Variants in KDM5A observed in about 807,000 individuals in gnomAD.
The protein encoded by KDM5A is lysine demethylase 5A, also known as lysine-specific demethylase 5A.
KDM5A carries 42 observed loss-of-function variants against 193.5 expected under a neutral mutation model. The ratio of observed to expected loss-of-function variants is 0.22; its 90% CI spans 0.17 to 0.28. The LOEUF (loss-of-function observed/expected upper bound fraction) is 0.28, where lower values mean the gene tolerates loss of function less well. Among genes scored for constraint, KDM5A ranks in the 10% least tolerant of loss-of-function variants. KDM5A has a pLI of 1.00. For missense variants in KDM5A, 1,692 were observed against 2,055.1 expected (o/e 0.82, Z 3.42); for synonymous variants, 796 against 718.1 (o/e 1.11, Z -1.73).
chr12:372,229 G>A (rs1403432638), intron 3 of KDM5A, among the ~76,000 whole-genome samples: 1 of 152,208 alleles, frequency 6.6e-6, no homozygotes, highest in East Asian at 1.9e-4. Context: ...TCCTATCCAT[G>A]AGCATGGAAT....
At chr12:366,790 CAGG>C (rs756551055) in intron 3 of KDM5A, among the ~76,000 whole-genome samples, 35 of 152,326 alleles carry the variant, frequency 2.3e-4, no homozygotes, top group Non-Finnish European at 4.1e-4. Context: ...CCTTAACGTC[CAGG>C]AGCTGTTACT....
intron 3 of KDM5A, among the ~76,000 whole-genome samples, chr12:370,654 T>C (rs952913003): frequency 3.9e-5 from 6 of 152,006 alleles, no homozygotes; most frequent in Admixed American, 6.6e-5. Flanking sequence ...GGGTAGTACA[T>C]GTGCACAACG....
At chr12:292,675 TACTACAC>T in intron 27 of KDM5A, 77 bp downstream of exon 27, 1 of 1,547,352 alleles carries the variant, frequency 6.5e-7, no homozygotes, top group Non-Finnish European at 8.9e-7. Flanking sequence ...ACCAAAAACA[TACTACAC>T]ATTGATATCA....
At chr12:300,781 T>C (rs1421479005) in intron 24 of KDM5A, among the ~76,000 whole-genome samples, 1 of 152,026 alleles carries the variant, frequency 6.6e-6, no homozygotes, top group Non-Finnish European at 1.5e-5. Flanking sequence ...GATAGACCGC[T>C]AGGCAGACTA....
intron 27 of KDM5A, among the ~76,000 whole-genome samples, chr12:288,087 T>C (rs1300375549): frequency 6.6e-6 from 1 of 152,184 alleles, no homozygotes; most frequent in African/African-American, 2.4e-5. Context: ...AAATAGTCCT[T>C]CTCTTTACCA....
chr12:350,882 A>T, intron 9 of KDM5A, 103 bp from the exon 10 acceptor site: 1 of 1,045,180 alleles, frequency 9.6e-7, no homozygotes, highest in Admixed American at 1.9e-5. Flanking sequence ...TGATGAGATT[A>T]AAAATCTTCT....
rs1943194225 is a variant in KDM5A at position 284,525 on chromosome 12, C to T, written c.*931G>A. On this transcript the variant is annotated 3_prime_UTR_variant, in exon 28 of 28. Transcript: ENST00000399788. ...TGTTATTTGCTGGTCTTGCTCATGGCCATGCCTGAAGCCTGGTGTCTGGAA... is the reference window on the plus strand; with the variant it reads ...TGTTATTTGCTGGTCTTGCTCATGGTCATGCCTGAAGCCTGGTGTCTGGAA... 8.6e-6 allele frequency: 2 copies of T among 232,636 alleles called. No homozygotes were observed. Among genetic ancestry groups the T allele is most frequent in the Non-Finnish European group, 1.7e-5 (2 of 117,396 alleles). 14.4% of individuals were successfully genotyped at this position (232,636 alleles called of 1,614,324 possible). A position where few individuals can be genotyped will look rare whatever the true frequency, so the allele number is the denominator to read the frequency against.
chr12:334,587 C>T (rs1235514180), intron 10 of KDM5A, among the ~76,000 whole-genome samples, 165 bp from the exon 11 acceptor site: 1 of 152,198 alleles, frequency 6.6e-6, no homozygotes, highest in Non-Finnish European at 1.5e-5. Flanking sequence ...TATAACTAAA[C>T]ATTTAATCCT....
Position 389,077 on chromosome 12 carries a change from C to T in KDM5A, c.15G>A (p.Gly5=), listed in dbSNP as rs1161595463. 1 of 1,602,510 alleles carries T rather than the reference C, an allele frequency of 6.2e-7. No individual in the cohort carries two copies. The highest frequency in any genetic ancestry group is 8.5e-7 in the Non-Finnish European group (1 of 1,174,204). The change falls in exon 1 of 28, where the codon GGG becomes GGA. Residue 5 remains glycine, a synonymous_variant. Transcript: ENST00000399788. MAGV[G]PGGYAAEFVP... ...CGAACTCCGCCGCGTAGCCCCCCGGCCCCACGCCCGCCATTGCAACGGCCG... is the reference window on the plus strand; with the variant it reads ...CGAACTCCGCCGCGTAGCCCCCCGGTCCCACGCCCGCCATTGCAACGGCCG...
chr12:316,304 G>T (rs1185037832), intron 19 of KDM5A, among the ~76,000 whole-genome samples: 2 of 151,882 alleles, frequency 1.3e-5, no homozygotes, highest in African/African-American at 4.8e-5. Context: ...CTCTCTACTA[G>T]AACGGTAGCT....
chr12:292,344 G>A (rs969878086), intron 27 of KDM5A, among the ~76,000 whole-genome samples: 3 of 152,144 alleles, frequency 2.0e-5, no homozygotes, highest in Non-Finnish European at 2.9e-5. Flanking sequence ...CCATCTTAAT[G>A]CAATTTGCCA....
chr12:388,239 G>C (rs1313642208), intron 1 of KDM5A: 1 of 455,044 alleles, frequency 2.2e-6, no homozygotes, highest in Admixed American at 2.4e-5. Flanking sequence ...TTACCTCAAA[G>C]GTGAGATTAT....
At chr12:317,835 C>T (rs1021981217) in intron 19 of KDM5A, among the ~76,000 whole-genome samples, 16 of 152,186 alleles carry the variant, frequency 1.1e-4, no homozygotes, top group Non-Finnish European at 1.8e-4. Context: ...TACCCACTGC[C>T]ACTGACCTGC....
Position 284,613 on chromosome 12 carries a change from C to G in KDM5A, c.*843G>C, listed in dbSNP as rs1943195712. 2 of 232,364 alleles carry G rather than the reference C, an allele frequency of 8.6e-6. No individual in the cohort carries two copies. Among genetic ancestry groups the G allele is most frequent in the East Asian group, 6.1e-5 (1 of 16,498 alleles). 14.4% of individuals were successfully genotyped at this position (232,364 alleles called of 1,614,324 possible). On this transcript the variant is annotated 3_prime_UTR_variant, in exon 28 of 28. Coordinates refer to ENST00000399788, the MANE Select transcript of KDM5A (RefSeq NM_001042603.3). ...ACTGTGGCTCAGTAAGATAGTACGACTGGTCATCATCGTCATCTTCTTCTC... is the reference window on the plus strand; with the variant it reads ...ACTGTGGCTCAGTAAGATAGTACGAGTGGTCATCATCGTCATCTTCTTCTC...
intron 19 of KDM5A, among the ~76,000 whole-genome samples, chr12:314,345 G>A (rs1396893682): frequency 2.0e-5 from 3 of 152,014 alleles, no homozygotes; most frequent in Non-Finnish European, 2.9e-5. Flanking sequence ...ACAGGCATGC[G>A]CCACCACGCC....
chr12:335,858 AT>A (rs1452165616), intron 10 of KDM5A, among the ~76,000 whole-genome samples: 1 of 151,550 alleles, frequency 6.6e-6, no homozygotes, highest in Admixed American at 6.6e-5. Context: ...CCTGGCCAAC[AT>A]AGTGAAACCC....
At chr12:365,492 T>G (rs1000337318) in intron 4 of KDM5A, among the ~76,000 whole-genome samples, 1 of 152,106 alleles carries the variant, frequency 6.6e-6, no homozygotes, top group African/African-American at 2.4e-5. Context: ...TGCCTGTGTG[T>G]GGGGGTGGTA....
At chr12:362,736 A>G (rs1010870666) in intron 5 of KDM5A, among the ~76,000 whole-genome samples, 1 of 152,230 alleles carries the variant, frequency 6.6e-6, no homozygotes, top group Non-Finnish European at 1.5e-5. Flanking sequence ...GAACAACAGT[A>G]TATGAGTGGC....
At chr12:366,161 C>A in intron 3 of KDM5A, 57 bp from the exon 4 acceptor site, 2 of 1,479,756 alleles carry the variant, frequency 1.4e-6, no homozygotes, top group Non-Finnish European at 1.9e-6. Context: ...CATCTTGACT[C>A]TTAAGTCTTG....
Sources: gnomAD v4.1 joint callset for allele counts (sites outside exome capture counted in the v4.1 genomes callset) on GRCh38, gnomAD v4.1.1 for gene constraint, MANE v1.5 for transcripts, NCBI Gene and HGNC (gene_info 2026-07-23, HGNC 2026-07-21) for gene names.